The following CPQ variants were observed in gnomAD, a reference collection of about 807,000 sequenced individuals.
CPQ encodes carboxypeptidase Q.
Under a neutral mutation model 45.7 loss-of-function variants are expected in CPQ, and 37 were observed. That is an observed-to-expected ratio of 0.81 (90% CI 0.62 to 1.07). The LOEUF is 1.07. Ranked by LOEUF, CPQ falls within the 50% of genes least tolerant of loss-of-function variation. The pLI is 0.00. For synonymous variants in CPQ, 186 were observed against 205.8 expected, an observed-to-expected ratio of 0.90 and a Z score of 0.82; for missense variants, 537 against 572.9, an observed-to-expected ratio of 0.94 and a Z score of 0.64.
At chr8:96,769,458 G>A (rs1388214333) in intron 1 of CPQ, among the ~76,000 whole-genome samples, 1 of 152,036 alleles carries the variant, frequency 6.6e-6, no homozygotes, top group Non-Finnish European at 1.5e-5. Context: ...CAGAATCACA[G>A]ATCATAGACC....
chr8:96,785,059 TG>T lies in CPQ; in HGVS notation c.163del (p.Val55PhefsTer24), dbSNP rs1563496521. 1.9e-6 allele frequency: 3 copies of T among 1,613,906 alleles called. No homozygotes were observed. ...TTGCTAAAGCAATCATCAACCTAGC[TG>T]TTTATGGTAAAGCCCAGAACAGATC... ...DVAKAIINLA[V>X]YGKAQNRSYE... On this transcript the variant is annotated frameshift_variant, in exon 2 of 8. Coordinates refer to ENST00000220763, the MANE Select transcript of CPQ (RefSeq NM_016134.4). LOFTEE classifies it high-confidence loss of function.
At chr8:96,717,040 TA>T (rs1809686634) in intron 1 of CPQ, among the ~76,000 whole-genome samples, 2 of 38,256 alleles carry the variant, frequency 5.2e-5, no homozygotes, top group African/African-American at 1.3e-4. Context: ...TATATATATA[TA>T]TATATATATA....
intron 6 of CPQ, among the ~76,000 whole-genome samples, chr8:97,047,618 A>G (rs987477816): frequency 1.3e-5 from 2 of 152,222 alleles, no homozygotes; most frequent in African/African-American, 2.4e-5. Flanking sequence ...AGTTAATTCT[A>G]TAAATCCTGC....
At chr8:96,690,217 C>T (rs1374380989) in intron 1 of CPQ, among the ~76,000 whole-genome samples, 1 of 152,018 alleles carries the variant, frequency 6.6e-6, no homozygotes, top group East Asian at 1.9e-4. Flanking sequence ...CCTCTGTTCC[C>T]TATTTTCTCC....
At chr8:96,761,959 CAGCCACAGATCTCTGTG>C (rs1395753484) in intron 1 of CPQ, among the ~76,000 whole-genome samples, 2 of 152,174 alleles carry the variant, frequency 1.3e-5, no homozygotes, top group Non-Finnish European at 2.9e-5. Context: ...TAGAATTCAT[CAGCCACAGATCTCTGTG>C]AGCCACTTGC....
chr8:97,003,446 C>A (rs956149982), intron 5 of CPQ, among the ~76,000 whole-genome samples: 46 of 152,036 alleles, frequency 3.0e-4, no homozygotes, highest in African/African-American at 1.1e-3. Flanking sequence ...GACTTTATTT[C>A]TTAGGACCCC....
At chr8:97,119,905 T>A (rs371359185) in intron 7 of CPQ, among the ~76,000 whole-genome samples, 9 of 152,132 alleles carry the variant, frequency 5.9e-5, no homozygotes, top group African/African-American at 2.2e-4. Flanking sequence ...TAGTCCATGA[T>A]CAAGACAGAG....
At chr8:96,786,786 T>A (rs954812025) in intron 2 of CPQ, among the ~76,000 whole-genome samples, 4 of 152,152 alleles carry the variant, frequency 2.6e-5, no homozygotes, top group Non-Finnish European at 5.9e-5. Context: ...ATGTTGAGCA[T>A]CCTTCCATGT....
chr8:96,999,490 A>C (rs745688325), intron 5 of CPQ, among the ~76,000 whole-genome samples: 5 of 151,696 alleles, frequency 3.3e-5, no homozygotes, highest in African/African-American at 4.8e-5. Flanking sequence ...AAGATGTAGT[A>C]TTTGTTTTTC....
In CPQ at chr8:96,785,234, T is replaced by C; in HGVS notation, c.337T>C (p.Trp113Arg). 4 of 1,613,594 alleles carry C rather than the reference T, an allele frequency of 2.5e-6. No individual in the cohort carries two copies. The highest frequency in any genetic ancestry group is 2.5e-6 in the Non-Finnish European group (3 of 1,179,752). The part of the protein sequence containing the change: ...VHLEPVRIPH[W>R]ERGEESAVML... ...CCTGGAGCCAGTGAGAATACCCCAC[T>C]GGGAGAGGGGAGAAGAATCAGCTGT... Residue 113 changes from tryptophan (W) to arginine (R), a missense_variant, in exon 2 of 8, where the codon TGG becomes CGG. By Grantham distance (101) the Trp-to-Arg change is moderately radical. Transcript: ENST00000220763.
chr8:97,059,894 G>A (rs182499595), intron 6 of CPQ, among the ~76,000 whole-genome samples: 1 of 152,236 alleles, frequency 6.6e-6, no homozygotes, highest in East Asian at 1.9e-4. Context: ...TTACTTCTTT[G>A]AAGAATAAAT....
intron 4 of CPQ, among the ~76,000 whole-genome samples, chr8:96,884,782 T>C (rs945329694): frequency 1.3e-5 from 2 of 152,188 alleles, no homozygotes; most frequent in African/African-American, 2.4e-5. Flanking sequence ...TTATCAGTAA[T>C]GCTAACAGTA....
chr8:96,904,885 A>G lies in CPQ; in HGVS notation c.849+24880A>G, dbSNP rs539321714. On this transcript the variant is annotated intron_variant, in intron 4 of 7. Coordinates refer to ENST00000220763, the MANE Select transcript of CPQ (RefSeq NM_016134.4). ...AGCCCCTCTTGGTATTGTGTAATAC[A>G]GCAGCCCTGTATGAGCTGATTACTG... Among the ~76,000 whole-genome samples, 11 of 152,300 alleles carry G rather than the reference A, an allele frequency of 7.2e-5. No individual in the cohort carries two copies. The East Asian group carries it at 1.9e-3, about 27-fold the overall frequency.
intron 7 of CPQ, among the ~76,000 whole-genome samples, chr8:97,078,783 C>G (rs1810895341): frequency 6.7e-6 from 1 of 149,782 alleles, no homozygotes. Context: ...CTCTCTCTCT[C>G]TCTCTCTCTC....
chr8:97,045,457 C>T (rs1477172952), intron 6 of CPQ, among the ~76,000 whole-genome samples: 2 of 152,286 alleles, frequency 1.3e-5, no homozygotes, highest in East Asian at 1.9e-4. Flanking sequence ...GGCAATGCCT[C>T]GCCCTCCTTC....
chr8:97,117,556 C>T (rs144119622), intron 7 of CPQ, among the ~76,000 whole-genome samples: 1 of 151,872 alleles, frequency 6.6e-6, no homozygotes, highest in Non-Finnish European at 1.5e-5. Context: ...TTTTTTGAGA[C>T]AGGATCTTGC....
At chr8:96,873,730 G>A (rs1355361886) in intron 3 of CPQ, among the ~76,000 whole-genome samples, 1 of 151,628 alleles carries the variant, frequency 6.6e-6, no homozygotes, top group Non-Finnish European at 1.5e-5. Flanking sequence ...AACTATTTGT[G>A]AATAATTTTT....
chr8:97,122,390 G>A (rs967255721), intron 7 of CPQ, among the ~76,000 whole-genome samples: 7 of 151,986 alleles, frequency 4.6e-5, no homozygotes, highest in South Asian at 2.1e-4. Context: ...TTTAAAGTGC[G>A]TGAACAAAAA....
At chr8:96,993,804 G>C (rs888169184) in intron 5 of CPQ, among the ~76,000 whole-genome samples, 38 of 152,114 alleles carry the variant, frequency 2.5e-4, no homozygotes, top group Non-Finnish European at 4.4e-5. Flanking sequence ...TTATTTCATA[G>C]TGTATCAACA....
Sources: gnomAD v4.1 joint callset for allele counts (sites outside exome capture counted in the v4.1 genomes callset) on GRCh38, gnomAD v4.1.1 for gene constraint, MANE v1.5 for transcripts, NCBI Gene and HGNC (gene_info 2026-07-23, HGNC 2026-07-21) for gene names.